CTNND2: variants seen among roughly 807,000 people sequenced by gnomAD.
The protein encoded by CTNND2 is catenin delta 2, also known as catenin delta-2.
Under a neutral mutation model 144.4 loss-of-function variants are expected in CTNND2, and 22 were observed. That is an observed-to-expected ratio of 0.15 (90% CI 0.11 to 0.22). CTNND2 has a LOEUF of 0.22. Ranked by LOEUF, CTNND2 falls within the 10% of genes least tolerant of loss-of-function variation. CTNND2 has a pLI of 1.00. For missense variants in CTNND2, 1,353 were observed against 1,618.8 expected, an observed-to-expected ratio of 0.84 and a Z score of 2.82; for synonymous variants, 751 against 695.6, an observed-to-expected ratio of 1.08 and a Z score of -1.25.
chr5:11,173,406 A>T (rs1311160640), intron 11 of CTNND2, among the ~76,000 whole-genome samples: 6 of 152,210 alleles, frequency 3.9e-5, no homozygotes, highest in Non-Finnish European at 8.8e-5. Context: ...AGATCAGTAT[A>T]CTAACCCTGT....
intron 9 of CTNND2, among the ~76,000 whole-genome samples, chr5:11,292,627 G>A (rs1748471993): frequency 6.6e-6 from 1 of 152,100 alleles, no homozygotes; most frequent in Admixed American, 6.6e-5. Flanking sequence ...AGACGTACTG[G>A]CTTCCCTTTC....
intron 1 of CTNND2, among the ~76,000 whole-genome samples, chr5:11,871,712 T>C (rs1735141230): frequency 6.6e-6 from 1 of 152,196 alleles, no homozygotes; most frequent in Non-Finnish European, 1.5e-5. Context: ...ATGTTGTTCA[T>C]ATTTTAGTAT....
At chr5:11,428,190 A>G in intron 3 of CTNND2, among the ~76,000 whole-genome samples, 1 of 152,176 alleles carries the variant, frequency 6.6e-6, no homozygotes, top group Non-Finnish European at 1.5e-5. Flanking sequence ...CAGCCAAACC[A>G]TATCAACCCT....
chr5:11,608,872 G>A (rs911992646), intron 2 of CTNND2, among the ~76,000 whole-genome samples: 4 of 152,138 alleles, frequency 2.6e-5, no homozygotes, highest in African/African-American at 9.7e-5. Flanking sequence ...ATCATTCCAA[G>A]GGTATCTGAG....
intron 1 of CTNND2, among the ~76,000 whole-genome samples, chr5:11,816,172 G>A (rs1361924753): frequency 6.6e-6 from 1 of 152,242 alleles, no homozygotes; most frequent in Non-Finnish European, 1.5e-5. Flanking sequence ...GTGTGGAGCA[G>A]CCACCACGCC....
rs7724499 is a variant in CTNND2, at chr5:11,889,225, C to T, written c.37+14592G>A. 3.7e-3 allele frequency among the ~76,000 whole-genome samples: 562 copies of T among 152,170 alleles called. 4 individuals are homozygous for T. Among genetic ancestry groups the T allele is most frequent in the African/African-American group, 0.013 (528 of 41,492 alleles). ...AAGATAGGGAGAAGGGGCCAGAATGCCACCTTCCACTGAGCTCTGAGATTA... is the reference window on the plus strand; with the variant it reads ...AAGATAGGGAGAAGGGGCCAGAATGTCACCTTCCACTGAGCTCTGAGATTA... On this transcript the variant is annotated intron_variant, in intron 1 of 21. Coordinates refer to ENST00000304623, the MANE Select transcript of CTNND2 (RefSeq NM_001332.4).
chr5:11,081,082 A>ACACACACACACACACACACACACT (rs1382658927), intron 16 of CTNND2, among the ~76,000 whole-genome samples: 5 of 148,458 alleles, frequency 3.4e-5, no homozygotes, highest in South Asian at 2.2e-4. Context: ...TCACACACAC[A>ACACACACACACACACACACACACT]CACACACACA....
chr5:11,813,159 T>C (rs1792432064), intron 1 of CTNND2, among the ~76,000 whole-genome samples: 2 of 152,190 alleles, frequency 1.3e-5, no homozygotes, highest in African/African-American at 4.8e-5. Flanking sequence ...ATACTTACCA[T>C]TGTGTTACAA....
intron 1 of CTNND2, among the ~76,000 whole-genome samples, chr5:11,812,542 GCCA>G (rs1027452253): frequency 3.1e-4 from 47 of 152,138 alleles, no homozygotes; most frequent in African/African-American, 1.1e-3. Flanking sequence ...GAATTGCTTG[GCCA>G]CCACATTGGG....
chr5:11,366,580 T>C (rs1167539139), intron 7 of CTNND2, among the ~76,000 whole-genome samples: 1 of 152,208 alleles, frequency 6.6e-6, no homozygotes, highest in East Asian at 1.9e-4. Context: ...GCTTAAATTT[T>C]CCAGGAATAT....
rs575126851 is a variant in CTNND2 at position 11,829,057 on chromosome 5, G to A, written c.37+74760C>T. On this transcript the variant is annotated intron_variant, in intron 1 of 21. Transcript: ENST00000304623. ...CTGCCCTAGAGATTTGTGGAACTTCGAACTTCAGAAAGATGATTTAGAGTA... is the reference window on the plus strand; with the variant it reads ...CTGCCCTAGAGATTTGTGGAACTTCAAACTTCAGAAAGATGATTTAGAGTA... Among the ~76,000 whole-genome samples the A allele has an allele frequency of 6.8e-4, 104 of 152,196 alleles. 1 individual carries two copies. In the South Asian group the frequency reaches 8.9e-3, roughly 13 times the overall value.
intron 3 of CTNND2, among the ~76,000 whole-genome samples, chr5:11,518,735 C>T: frequency 6.6e-6 from 1 of 152,156 alleles, no homozygotes; most frequent in Non-Finnish European, 1.5e-5. Flanking sequence ...GTATTCAATA[C>T]AGTAACCTGC....
chr5:11,018,101 G>T, intron 17 of CTNND2, 43 bp from the exon 18 acceptor site: 1 of 1,294,338 alleles, frequency 7.7e-7, no homozygotes, highest in Non-Finnish European at 1.1e-6. Flanking sequence ...GAGTGGGACA[G>T]CTGTGTCACA....
At chr5:11,788,378 T>A (rs1790950506) in intron 1 of CTNND2, among the ~76,000 whole-genome samples, 1 of 152,208 alleles carries the variant, frequency 6.6e-6, no homozygotes, top group Admixed American at 6.5e-5. Context: ...ATCATAACTT[T>A]ATCTCACATT....
chr5:11,083,991 C>T, intron 15 of CTNND2: 2 of 1,050,810 alleles, frequency 1.9e-6, no homozygotes, highest in Non-Finnish European at 2.3e-6. Context: ...ACAACTTCAT[C>T]CTGTCCTACA....
chr5:11,018,249 C>T (rs144367720), intron 17 of CTNND2, among the ~76,000 whole-genome samples, 191 bp from the exon 18 acceptor site: 4 of 152,198 alleles, frequency 2.6e-5, no homozygotes, highest in African/African-American at 4.8e-5. Flanking sequence ...AGACAGCAAC[C>T]GTAATCAAGA....
intron 1 of CTNND2, among the ~76,000 whole-genome samples, chr5:11,798,028 TG>T (rs993180612): frequency 5.3e-5 from 8 of 151,316 alleles, no homozygotes; most frequent in African/African-American, 1.9e-4. Flanking sequence ...GAGGCCAAGG[TG>T]GGCAGATCAC....
chr5:11,796,150 C>T (rs372739276), intron 1 of CTNND2, among the ~76,000 whole-genome samples: 29 of 152,234 alleles, frequency 1.9e-4, no homozygotes, highest in Admixed American at 1.0e-3. Flanking sequence ...CTATGTGGCC[C>T]GAGAGGATGA....
intron 11 of CTNND2, among the ~76,000 whole-genome samples, chr5:11,168,150 T>C (rs777696772): frequency 1.1e-4 from 16 of 152,192 alleles, no homozygotes; most frequent in Non-Finnish European, 1.2e-4. Context: ...AAAACTCAGA[T>C]GTATCTATGA....
Sources: gnomAD v4.1 joint callset for allele counts (sites outside exome capture counted in the v4.1 genomes callset) on GRCh38, gnomAD v4.1.1 for gene constraint, MANE v1.5 for transcripts, NCBI Gene and HGNC (gene_info 2026-07-23, HGNC 2026-07-21) for gene names.